Variants in RASIP1 observed in about 807,000 individuals in gnomAD.
The protein encoded by RASIP1 is Ras interacting protein 1.
A neutral mutation model predicts 85.3 loss-of-function variants in RASIP1; 20 were observed. The ratio of observed to expected loss-of-function variants is 0.23; its 90% CI spans 0.17 to 0.34. RASIP1 has a LOEUF of 0.34. Among genes scored for constraint, RASIP1 ranks in the 10% least tolerant of loss-of-function variants. The probability of loss-of-function intolerance (pLI) is 1.00; values close to 1 mark genes in which losing one functional copy is unlikely to be tolerated. For synonymous variants in RASIP1, 617 were observed against 647.1 expected, an observed-to-expected ratio of 0.95 and a Z score of 0.71; for missense variants, 1,170 against 1,390.9, an observed-to-expected ratio of 0.84 and a Z score of 2.53.
intron 6 of RASIP1, 53 bp downstream of exon 6, chr19:48,727,340 C>T (rs2033359704): frequency 6.3e-7 from 1 of 1,598,052 alleles, no homozygotes. Context: ...GAACTAGACG[C>T]AAAACCCAAC....
intron 5 of RASIP1, among the ~76,000 whole-genome samples, 159 bp from the exon 6 acceptor site, chr19:48,727,589 C>T (rs1231211767): frequency 1.3e-5 from 2 of 151,944 alleles, no homozygotes; most frequent in African/African-American, 2.4e-5. Flanking sequence ...TCTCCAACTC[C>T]TGAGCTCAAA....
At position 48,735,110 on chromosome 19, in the gene RASIP1, G is replaced by A. The variant is rs1318494034; in HGVS notation, c.1179+86C>T. On this transcript the variant is annotated intron_variant, in intron 4 of 11. Transcript: ENST00000222145. ...AGTACTTGAGGCTAGCGCGCCCCGG[G>A]CCTTCTGGGAGTTGTAGTTTTGTTG... The A allele has an allele frequency of 3.9e-6, 5 of 1,287,038 alleles. No homozygotes were observed. In the African/African-American group the frequency reaches 6.0e-5, roughly 15 times the overall value. 79.7% of individuals were successfully genotyped at this position (1,287,038 alleles called of 1,614,324 possible).
At chr19:48,735,793 C>CTTT (rs113487965) in intron 3 of RASIP1, among the ~76,000 whole-genome samples, 2 of 145,296 alleles carry the variant, frequency 1.4e-5, no homozygotes, top group African/African-American at 5.0e-5. Context: ...ATTTGTTCTT[C>CTTT]TTTTTTTTTT....
chr19:48,740,297 G>A lies in RASIP1; in HGVS notation c.-4-11C>T, dbSNP rs765896752. On this transcript the variant is annotated splice_polypyrimidine_tract_variant and intron_variant, in intron 1 of 11. Coordinates refer to ENST00000222145, the MANE Select transcript of RASIP1 (RefSeq NM_017805.3). This position sits in a 1 kb window ranked among gnomAD's most constrained non-coding sequence, Gnocchi z 5.5. ...CCAGACAGCATGGCCCTAAGGGAAG[G>A]CGGGTAAGGCCCCAACTCCTAAGGC... 2 of 1,571,004 alleles carry A rather than the reference G, an allele frequency of 1.3e-6. No homozygotes were observed. The highest frequency in any genetic ancestry group is 2.0e-5 in the Admixed American group (1 of 50,474).
At chr19:48,735,579 T>A in intron 3 of RASIP1, 28 bp from the exon 4 acceptor site, 1 of 1,495,348 alleles carries the variant, frequency 6.7e-7, no homozygotes, top group Non-Finnish European at 8.9e-7. Flanking sequence ...ACAGTGAGGC[T>A]GAGCCTGGAA....
intron 4 of RASIP1, 105 bp from the exon 5 acceptor site, chr19:48,729,695 TTTTCCTTCTTCTTC>T (rs2033413179): frequency 1.6e-6 from 2 of 1,270,574 alleles, no homozygotes; most frequent in African/African-American, 3.1e-5. Context: ...CCAACTTTTT[TTTTCCTTCTTCTTC>T]TTTTTTTTTT....
intron 5 of RASIP1, among the ~76,000 whole-genome samples, chr19:48,728,617 A>T (rs527566187): frequency 1.3e-5 from 2 of 152,268 alleles, no homozygotes; most frequent in South Asian, 4.1e-4. Context: ...ACAAAAAATT[A>T]GCCGGGCGTG....
chr19:48,729,209 G>T lies in RASIP1; in HGVS notation c.1561C>A (p.Arg521Ser). Residue 521 changes from arginine (R) to serine (S), a missense_variant, in exon 5 of 12, where the codon CGC becomes AGC. Transcript: ENST00000222145. ...TCCTGCAGGCCGCGGCCGCACAGGC[G>T]ACAGGAGAAGGCCCAGCCAGGGCCT... ...PPGPGWAFSC[R>S]LCGRGLQERG... 7.4e-7 allele frequency: 1 copy of T among 1,351,530 alleles called. No homozygotes were observed. The highest frequency in any genetic ancestry group is 1.7e-5 in the South Asian group (1 of 58,364). 83.7% of individuals were successfully genotyped at this position (1,351,530 alleles called of 1,614,324 possible).
chr19:48,735,671 T>C, intron 3 of RASIP1, 120 bp from the exon 4 acceptor site: 4 of 1,000,022 alleles, frequency 4.0e-6, no homozygotes, highest in Non-Finnish European at 4.3e-6. Flanking sequence ...ACATTTAGGA[T>C]TTAGGCTTTT....
chr19:48,729,657 G>A, intron 4 of RASIP1, 67 bp from the exon 5 acceptor site: 2 of 1,333,822 alleles, frequency 1.5e-6, no homozygotes. Context: ...TGTTCTCTCT[G>A]TTTTCTACAA....
At position 48,735,326 on chromosome 19, in the gene RASIP1, G is replaced by A. The variant is rs1453036848; in HGVS notation, c.1049C>T (p.Ala350Val). 1.2e-6 allele frequency: 2 copies of A among 1,613,760 alleles called. No homozygotes were observed. The highest frequency in any genetic ancestry group is 8.5e-7 in the Non-Finnish European group (1 of 1,179,930). Residue 350 changes from alanine to valine, a missense_variant, in exon 4 of 12, where the codon GCC becomes GTC. Physicochemically the swap from Ala to Val is moderately conservative, Grantham distance 64. Around this residue, in one of 4 missense-constraint regions of RASIP1, gnomAD observed 301 missense variants for 294.8 expected, o/e 1.02. Transcript: ENST00000222145. ...GATTTGGGCGTCGGCTGCCCCTGGG[G>A]CCATGCTAAGTGCCTGCTGTCTCCG... ...QERRQQALSM[A>V]PGAADAQIGT...
In RASIP1 at chr19:48,740,174, GC is replaced by G; in HGVS notation, c.108del (p.Arg37GlyfsTer144). The G allele has an allele frequency of 6.3e-7, 1 of 1,595,950 alleles. No individual in the cohort carries two copies. The highest frequency in any genetic ancestry group is 1.1e-5 in the South Asian group (1 of 89,482). Reference sequence around the variant, plus strand: ...ACAGAGGCTGCGCTGGGCCAGCGCCGCCCCAGCTTCGCCAGCTGCTTCCTGG... The same window carrying G: ...ACAGAGGCTGCGCTGGGCCAGCGCCGCCCAGCTTCGCCAGCTGCTTCCTGG... ...NSPRKQLAKL[G>X]RRWPSAASVK... On this transcript the variant is annotated frameshift_variant, in exon 2 of 12. Coordinates refer to ENST00000222145, the MANE Select transcript of RASIP1 (RefSeq NM_017805.3). LOFTEE classifies it high-confidence loss of function. The surrounding 1 kb of genome is among the most constrained non-coding windows in gnomAD (Gnocchi z 5.5).
rs2033548003 is a variant in RASIP1 at position 48,735,236 on chromosome 19, C to A, written c.1139G>T (p.Arg380Leu). 1 of 1,613,424 alleles carries A rather than the reference C, an allele frequency of 6.2e-7. No individual in the cohort carries two copies. Among genetic ancestry groups the A allele is most frequent in the Non-Finnish European group, 8.5e-7 (1 of 1,179,674 alleles). The change falls in exon 4 of 12, where the codon CGC becomes CTC. Residue 380 changes from arginine to leucine, a missense_variant. Physicochemically the swap from Arg to Leu is moderately radical, Grantham distance 102. This residue lies in a region of RASIP1 where 301 missense variants were observed against 294.8 expected (regional missense o/e 1.02). Coordinates refer to ENST00000222145, the MANE Select transcript of RASIP1 (RefSeq NM_017805.3). ...GCCCTGGAGCAGCAGGAAGTAGGGG[C>A]GGTTGCTGGGGGCCTGGATGAGGCA... ...TQCLIQAPSN[R>L]PYFLLLQGYQ...
Position 48,739,682 on chromosome 19 carries a change from G to C in RASIP1, c.138-37C>G. On this transcript the variant is annotated intron_variant, in intron 2 of 11. Transcript: ENST00000222145. This position sits in a 1 kb window ranked among gnomAD's most constrained non-coding sequence, Gnocchi z 9.2. ...CCGGGGAACAGAGTCGCGGGAGAGA[G>C]ACCCAGGACGACACGCCAAGACGGG... 1.5e-6 allele frequency: 2 copies of C among 1,315,752 alleles called. No individual in the cohort carries two copies. The highest frequency in any genetic ancestry group is 1.7e-5 in the South Asian group (1 of 59,714). The allele number at this position is 1,315,752 out of a possible 1,614,324, so 81.5% of individuals were successfully genotyped here. A position where few individuals can be genotyped will look rare whatever the true frequency, so the allele number is the denominator to read the frequency against.
At chr19:48,730,170 C>T (rs2033428008) in intron 4 of RASIP1, among the ~76,000 whole-genome samples, 2 of 151,050 alleles carry the variant, frequency 1.3e-5, no homozygotes, top group South Asian at 2.1e-4. Context: ...CAAGGAGACC[C>T]CCCTTTTTTT....
chr19:48,726,750 C>T, intron 8 of RASIP1, 35 bp downstream of exon 8: 1 of 1,477,712 alleles, frequency 6.8e-7, no homozygotes, highest in South Asian at 1.2e-5. Flanking sequence ...GGAAGTGATG[C>T]TATGTCAAAC....
intron 4 of RASIP1, among the ~76,000 whole-genome samples, chr19:48,733,823 G>C (rs891720152): frequency 7.3e-5 from 11 of 151,352 alleles, no homozygotes; most frequent in Non-Finnish European, 1.3e-4. Context: ...AAAAAGTGTG[G>C]GGGGGAGGGG....
At position 48,738,572 on chromosome 19, in the gene RASIP1, A is replaced by T. The variant is rs2033611308; in HGVS notation, c.823+388T>A. ...CGCTCCTCAGGATCTACTACTCCGC[A>T]GACCCCGCTACACACCCCACCTCCT... is the stretch of plus-strand genomic sequence containing the variant. On this transcript the variant is annotated intron_variant, in intron 3 of 11. Transcript: ENST00000222145. This position sits in a 1 kb window ranked among gnomAD's most constrained non-coding sequence, Gnocchi z 4.0. The T allele has an allele frequency of 6.1e-6, 1 of 164,022 alleles. No homozygotes were observed. The highest frequency in any genetic ancestry group is 1.3e-5 in the Non-Finnish European group (1 of 76,026). 10.2% of individuals were successfully genotyped at this position (164,022 alleles called of 1,614,324 possible). A position where few individuals can be genotyped will look rare whatever the true frequency, so the allele number is the denominator to read the frequency against.
chr19:48,739,027 G>T lies in RASIP1; in HGVS notation c.756C>A (p.Phe252Leu). ...WRARPGWARR[F>L]ELRGREEARR... is the part of the protein sequence containing the mutation. ...GCGCCTCCTCGCGGCCGCGCAACTC[G>T]AAGCGCCGCGCCCAGCCGGGCCGCG... is the stretch of plus-strand genomic sequence containing the variant. The change falls in exon 3 of 12, where the codon TTC (phenylalanine) becomes TTA (leucine). Residue 252 changes from phenylalanine (F) to leucine (L), a missense_variant. Phe to Leu is a conservative substitution (Grantham distance 22, BLOSUM62 0). Coordinates refer to ENST00000222145, the MANE Select transcript of RASIP1 (RefSeq NM_017805.3). The surrounding 1 kb of genome is among the most constrained non-coding windows in gnomAD (Gnocchi z 9.2). 1 of 1,245,784 alleles carries T rather than the reference G, an allele frequency of 8.0e-7. No homozygotes were observed. Among genetic ancestry groups the T allele is most frequent in the Non-Finnish European group, 1.0e-6 (1 of 998,642 alleles). 77.2% of individuals were successfully genotyped at this position (1,245,784 alleles called of 1,614,324 possible).
Sources: allele counts gnomAD v4.1 joint callset (sites outside exome capture counted in the v4.1 genomes callset), GRCh38; gene constraint gnomAD v4.1.1; regional missense constraint gnomAD v4.1.1; non-coding constraint Gnocchi (gnomAD v3.1); transcripts MANE v1.5; gene names NCBI Gene and HGNC (gene_info 2026-07-23, HGNC 2026-07-21).